Variants in LDB2 observed in about 807,000 individuals in gnomAD.
LDB2 encodes the protein LIM domain binding 2.
In LDB2, 12 loss-of-function variants were observed where a neutral mutation model predicts 44.3. That is an observed-to-expected ratio of 0.27 (90% CI 0.17 to 0.44). LDB2 has a LOEUF of 0.44. LDB2 is among the 20% of genes least tolerant of loss of function. LDB2 has a pLI of 1.00. For synonymous variants in LDB2, 164 were observed against 174.8 expected (o/e 0.94, Z 0.49); for missense variants, 344 against 473.5 (o/e 0.73, Z 2.54).
Position 16,508,525 on chromosome 4 carries a change from C to G in LDB2, c.891+10G>C. ...TAGGATTTCGGGCCTAAGAGGAAAG[C>G]GAGACTTACAGGTACCTGACTGGAC... On this transcript the variant is annotated intron_variant, in intron 7 of 7. Coordinates refer to ENST00000304523, the MANE Select transcript of LDB2 (RefSeq NM_001290.5). 2 of 1,541,666 alleles carry G rather than the reference C, an allele frequency of 1.3e-6. No homozygotes were observed. Among genetic ancestry groups the G allele is most frequent in the Admixed American group, 1.8e-5 (1 of 54,394 alleles).
At chr4:16,506,032 C>CCAGA (rs1199579566) in intron 7 of LDB2, 1 of 1,535,616 alleles carries the variant, frequency 6.5e-7, no homozygotes, top group South Asian at 1.2e-5. Flanking sequence ...CTAGCCCTCG[C>CCAGA]CAGACACACA....
intron 2 of LDB2, among the ~76,000 whole-genome samples, chr4:16,713,727 G>C (rs1024975185): frequency 6.6e-6 from 1 of 152,216 alleles, no homozygotes; most frequent in Non-Finnish European, 1.5e-5. Context: ...AGTGGGACAA[G>C]AGGAGGGATG....
intron 2 of LDB2, among the ~76,000 whole-genome samples, chr4:16,703,986 C>T (rs1754054760): frequency 6.6e-6 from 1 of 152,116 alleles, no homozygotes; most frequent in South Asian, 2.1e-4. Context: ...ATTGTATATA[C>T]CTGATGGGAC....
chr4:16,738,033 C>T (rs1051262957), intron 2 of LDB2, among the ~76,000 whole-genome samples: 1 of 152,074 alleles, frequency 6.6e-6, no homozygotes, highest in Non-Finnish European at 1.5e-5. Flanking sequence ...ATTTAATAGT[C>T]ATTTATGTGA....
At chr4:16,559,276 G>C (rs1227880080) in intron 5 of LDB2, among the ~76,000 whole-genome samples, 1 of 152,124 alleles carries the variant, frequency 6.6e-6, no homozygotes, top group Admixed American at 6.5e-5. Flanking sequence ...TGGCAAATTG[G>C]ATAAAGAGTC....
intron 5 of LDB2, among the ~76,000 whole-genome samples, chr4:16,573,504 T>C (rs938553223): frequency 2.0e-5 from 3 of 152,192 alleles, no homozygotes; most frequent in East Asian, 3.8e-4. Flanking sequence ...CGAACAGTTA[T>C]AGTAGTCTTA....
At chr4:16,541,214 G>A (rs964622210) in intron 5 of LDB2, among the ~76,000 whole-genome samples, 7 of 152,202 alleles carry the variant, frequency 4.6e-5, no homozygotes, top group South Asian at 2.1e-4. Flanking sequence ...TGAATCATGG[G>A]GGTGGGTTTC....
intron 2 of LDB2, among the ~76,000 whole-genome samples, chr4:16,752,223 C>T (rs1166083822): frequency 1.3e-5 from 2 of 152,206 alleles, no homozygotes; most frequent in Non-Finnish European, 2.9e-5. Context: ...TTCCTTTCCT[C>T]TGGTCCTCAG....
chr4:16,650,179 C>T (rs985673199), intron 2 of LDB2, among the ~76,000 whole-genome samples: 4 of 152,178 alleles, frequency 2.6e-5, no homozygotes, highest in African/African-American at 9.6e-5. Flanking sequence ...TGACCTTGAG[C>T]AAATTTTCTA....
At chr4:16,551,772 C>T (rs1030510838) in intron 5 of LDB2, among the ~76,000 whole-genome samples, 4 of 152,160 alleles carry the variant, frequency 2.6e-5, no homozygotes, top group African/African-American at 9.7e-5. Context: ...CTGCCTTGGC[C>T]TCCCAAAGTG....
chr4:16,727,457 C>T (rs533591446), intron 2 of LDB2, among the ~76,000 whole-genome samples: 19 of 152,042 alleles, frequency 1.2e-4, no homozygotes, highest in Non-Finnish European at 1.9e-4. Flanking sequence ...GCAGTTGAAA[C>T]GCATCTCTGA....
intron 2 of LDB2, among the ~76,000 whole-genome samples, chr4:16,715,913 G>C (rs955686343): frequency 6.6e-6 from 1 of 152,050 alleles, no homozygotes; most frequent in Non-Finnish European, 1.5e-5. Flanking sequence ...GATATCCTTA[G>C]TTCACTTAAG....
chr4:16,576,560 A>G (rs1401262886), intron 5 of LDB2, among the ~76,000 whole-genome samples: 1 of 152,216 alleles, frequency 6.6e-6, no homozygotes, highest in Non-Finnish European at 1.5e-5. Context: ...GAACACCTCA[A>G]CAATGAGTAA....
At chr4:16,762,056 C>A (rs986826830) in intron 1 of LDB2, among the ~76,000 whole-genome samples, 1 of 151,996 alleles carries the variant, frequency 6.6e-6, no homozygotes, top group African/African-American at 2.4e-5. Flanking sequence ...GCCAGCCAGG[C>A]GTGGTGGTGG....
chr4:16,792,055 G>T (rs1176082584), intron 1 of LDB2, among the ~76,000 whole-genome samples: 6 of 152,244 alleles, frequency 3.9e-5, no homozygotes, highest in Admixed American at 3.9e-4. Context: ...TCTTGATTTT[G>T]CAGTGTTTTA....
intron 2 of LDB2, among the ~76,000 whole-genome samples, chr4:16,633,546 A>G (rs888154124): frequency 6.6e-6 from 1 of 152,194 alleles, no homozygotes; most frequent in Non-Finnish European, 1.5e-5. Flanking sequence ...CTAGGAATAC[A>G]ACTTACAAGT....
chr4:16,632,873 G>A (rs962045861), intron 2 of LDB2, among the ~76,000 whole-genome samples: 1 of 152,228 alleles, frequency 6.6e-6, no homozygotes, highest in Non-Finnish European at 1.5e-5. Flanking sequence ...GTGGAAGACA[G>A]TGTGGCAATT....
intron 1 of LDB2, among the ~76,000 whole-genome samples, chr4:16,854,504 TACACACACACAC>T (rs61445499): frequency 6.2e-5 from 9 of 145,248 alleles, no homozygotes; most frequent in South Asian, 2.2e-4. Flanking sequence ...TAAATATAAA[TACACACACACAC>T]ACACACACAC....
At chr4:16,522,228 G>A (rs1332335439) in intron 5 of LDB2, among the ~76,000 whole-genome samples, 3 of 151,652 alleles carry the variant, frequency 2.0e-5, no homozygotes, top group Non-Finnish European at 2.9e-5. Context: ...AACTTGGCAC[G>A]ACCTACTTGT....
Sources: gnomAD v4.1 joint callset for allele counts (sites outside exome capture counted in the v4.1 genomes callset) on GRCh38, gnomAD v4.1.1 for gene constraint, MANE v1.5 for transcripts, NCBI Gene and HGNC (gene_info 2026-07-23, HGNC 2026-07-21) for gene names.